Variants in RBFOX1 observed in about 807,000 individuals in gnomAD.
RBFOX1 encodes the protein RNA binding protein fox-1 homolog 1.
In RBFOX1, 8 loss-of-function variants were observed where a neutral mutation model predicts 57.7. That is an observed-to-expected ratio of 0.14 (90% CI 0.08 to 0.25). RBFOX1 has a LOEUF of 0.25. Among genes scored for constraint, RBFOX1 ranks in the 10% least tolerant of loss-of-function variants. The pLI is 1.00. For missense variants in RBFOX1, 611 were observed against 548.5 expected, an observed-to-expected ratio of 1.11 and a Z score of -1.14; for synonymous variants, 326 against 222.4, an observed-to-expected ratio of 1.47 and a Z score of -4.15.
intron 1 of RBFOX1, among the ~76,000 whole-genome samples, chr16:6,023,331 C>G (rs920007214): frequency 6.6e-6 from 1 of 151,898 alleles, no homozygotes; most frequent in African/African-American, 2.4e-5. Flanking sequence ...TCTAGACATC[C>G]TCATGTCTCT....
At chr16:6,225,984 A>T (rs1490855491) in intron 1 of RBFOX1, among the ~76,000 whole-genome samples, 2 of 152,150 alleles carry the variant, frequency 1.3e-5, no homozygotes, top group Non-Finnish European at 2.9e-5. Flanking sequence ...AAATCATGGG[A>T]TTGTAACAAT....
At position 6,103,040 on chromosome 16, in the gene RBFOX1, C is replaced by G. The variant is rs535373312; in HGVS notation, c.-127+83048C>G. On this transcript the variant is annotated intron_variant, in intron 1 of 15. Transcript: ENST00000550418. Reference sequence around the variant, plus strand: ...CCACAGTGTCTTCCCCTCTTTTGGACAATTAAGGGATTTAAAATATAGATC... The same window carrying G: ...CCACAGTGTCTTCCCCTCTTTTGGAGAATTAAGGGATTTAAAATATAGATC... 2.0e-4 allele frequency among the ~76,000 whole-genome samples: 30 copies of G among 152,240 alleles called. 1 individual carries two copies. The South Asian group carries it at 6.0e-3, about 31-fold the overall frequency.
At chr16:5,442,822 C>G (rs1171495732) in intron 1 of RBFOX1, among the ~76,000 whole-genome samples, 1 of 152,176 alleles carries the variant, frequency 6.6e-6, no homozygotes, top group Admixed American at 6.5e-5. Context: ...AAATTCATGT[C>G]CCCCATGCAA....
At chr16:7,616,812 A>T (rs376051718) in intron 10 of RBFOX1, among the ~76,000 whole-genome samples, 10 of 152,208 alleles carry the variant, frequency 6.6e-5, no homozygotes, top group African/African-American at 2.2e-4. Flanking sequence ...GATTACAAGT[A>T]TGAGCCACCA....
chr16:6,617,636 G>C (rs2098163128), intron 2 of RBFOX1, among the ~76,000 whole-genome samples: 2 of 152,242 alleles, frequency 1.3e-5, no homozygotes, highest in South Asian at 4.2e-4. Context: ...ATGTGTTCCA[G>C]GTGTCAGAGC....
Position 5,277,293 on chromosome 16 carries a change from T to C in RBFOX1, c.219+37188T>C, listed in dbSNP as rs182918737. 3.6e-4 allele frequency among the ~76,000 whole-genome samples: 54 copies of C among 151,078 alleles called. 1 individual carries two copies. Among genetic ancestry groups the C allele is most frequent in the Middle Eastern group, 3.4e-3 (1 of 292 alleles). ...GGGACGAGAATGAAACAGTGGACTT[T>C]GGGGGCTCAGGTGGAAGTGGGAGGG... On this transcript the variant is annotated intron_variant, in intron 1 of 2. Transcript: ENST00000585867.
chr16:7,307,994 T>C (rs1248273507), intron 4 of RBFOX1, among the ~76,000 whole-genome samples: 1 of 152,240 alleles, frequency 6.6e-6, no homozygotes, highest in Non-Finnish European at 1.5e-5. Context: ...TAAGTACTCA[T>C]GGAACCATTC....
chr16:7,008,098 C>G (rs560401728), intron 3 of RBFOX1, among the ~76,000 whole-genome samples: 2 of 152,054 alleles, frequency 1.3e-5, no homozygotes, highest in South Asian at 4.2e-4. Flanking sequence ...ACTCCTCTTG[C>G]CCTTTATTGT....
At chr16:6,193,928 T>C (rs1161868951) in intron 1 of RBFOX1, among the ~76,000 whole-genome samples, 2 of 152,166 alleles carry the variant, frequency 1.3e-5, no homozygotes, top group African/African-American at 4.8e-5. Flanking sequence ...GAAGTTGCTC[T>C]CCAAGGTTCT....
In RBFOX1 at chr16:7,163,931, A is replaced by T. The variant is rs543236442; in HGVS notation, c.27+111833A>T. Among the ~76,000 whole-genome samples the T allele has an allele frequency of 2.0e-5, 3 of 152,264 alleles. No homozygotes were observed. In the East Asian group the frequency reaches 5.8e-4, roughly 29 times the overall value. ...CACTTCAGCCTCCCAAAGTACTGGG[A>T]TTACAGGTGTGAGCCACCGCACACA... On this transcript the variant is annotated intron_variant, in intron 4 of 15. Transcript: ENST00000550418.
intron 2 of RBFOX1, among the ~76,000 whole-genome samples, chr16:6,519,188 C>G (rs2096452544): frequency 6.6e-6 from 1 of 152,058 alleles, no homozygotes; most frequent in Non-Finnish European, 1.5e-5. Flanking sequence ...TAATTTATCT[C>G]TAAAATGGAA....
chr16:7,430,712 G>C (rs1024664966), intron 4 of RBFOX1, among the ~76,000 whole-genome samples: 2 of 151,268 alleles, frequency 1.3e-5, no homozygotes, highest in Admixed American at 6.6e-5. Context: ...AGAGTTGCCA[G>C]CATGGCATGG....
intron 3 of RBFOX1, among the ~76,000 whole-genome samples, chr16:6,820,198 T>C (rs1277453327): frequency 2.0e-5 from 3 of 152,316 alleles, no homozygotes; most frequent in East Asian, 3.9e-4. Flanking sequence ...TCCATCGTGA[T>C]TGTGAGGCCT....
chr16:7,177,968 T>C (rs1358577278), intron 4 of RBFOX1, among the ~76,000 whole-genome samples: 1 of 152,186 alleles, frequency 6.6e-6, no homozygotes, highest in Non-Finnish European at 1.5e-5. Flanking sequence ...AGACACAACA[T>C]GCTCACGCTC....
At position 6,510,696 on chromosome 16, in the gene RBFOX1, T is replaced by G. The variant is rs574516910; in HGVS notation, c.-63-143907T>G. ...GGTTACTCTACTGGGCAATGAAGTT[T>G]AAAGGTTGGAGAGGCTCCAAATCTG... is the stretch of plus-strand genomic sequence containing the variant. On this transcript the variant is annotated intron_variant, in intron 2 of 15. Transcript: ENST00000550418. 2.0e-5 allele frequency among the ~76,000 whole-genome samples: 3 copies of G among 152,200 alleles called. No individual in the cohort carries two copies. In the South Asian group the frequency reaches 6.2e-4, roughly 32 times the overall value.
intron 3 of RBFOX1, among the ~76,000 whole-genome samples, chr16:5,731,908 A>T (rs554643804): frequency 3.0e-4 from 46 of 152,322 alleles, no homozygotes; most frequent in African/African-American, 9.6e-4. Context: ...GTAGCCTATT[A>T]TCTTGTCTGT....
Position 5,497,065 on chromosome 16 carries a change from C to G in RBFOX1, c.258+29811C>G, listed in dbSNP as rs114567137. On this transcript the variant is annotated intron_variant, in intron 2 of 2. Coordinates refer to the RBFOX1 transcript ENST00000585867. ...TTTTACTTTCACAATCGTTTTTTATCCAGACAATGCTCCTTCTCATATGAA... is the reference window on the plus strand; with the variant it reads ...TTTTACTTTCACAATCGTTTTTTATGCAGACAATGCTCCTTCTCATATGAA... 5.9e-5 allele frequency among the ~76,000 whole-genome samples: 9 copies of G among 152,106 alleles called. No individual in the cohort carries two copies. In the East Asian group the frequency reaches 1.5e-3, roughly 26 times the overall value.
intron 4 of RBFOX1, among the ~76,000 whole-genome samples, chr16:7,137,689 G>C (rs1383901596): frequency 6.6e-6 from 1 of 152,180 alleles, no homozygotes; most frequent in Admixed American, 6.5e-5. Flanking sequence ...TTGGTTAGAA[G>C]CCTGATACGT....
intron 3 of RBFOX1, among the ~76,000 whole-genome samples, chr16:5,751,550 G>A (rs1597100492): frequency 6.6e-6 from 1 of 152,146 alleles, no homozygotes; most frequent in East Asian, 1.9e-4. Flanking sequence ...AGGTGAATCT[G>A]GAGGATGAAC....
Sources: allele counts gnomAD v4.1 joint callset (sites outside exome capture counted in the v4.1 genomes callset), GRCh38; gene constraint gnomAD v4.1.1; transcripts MANE v1.5; gene names NCBI Gene and HGNC (gene_info 2026-07-23, HGNC 2026-07-21).